Variants in RASGEF1C observed in about 807,000 individuals in gnomAD.
The protein encoded by RASGEF1C is ras-GEF domain-containing family member 1C.
RASGEF1C carries 27 observed loss-of-function variants against 58.1 expected under a neutral mutation model. The observed-to-expected ratio is 0.46, with a 90% CI of 0.34 to 0.64. The LOEUF (loss-of-function observed/expected upper bound fraction) is 0.64, where lower values mean the gene tolerates loss of function less well. Among genes scored for constraint, RASGEF1C ranks in the 30% least tolerant of loss-of-function variants. RASGEF1C has a pLI of 0.01. For synonymous variants in RASGEF1C, 243 were observed against 246.3 expected, an observed-to-expected ratio of 0.99 and a Z score of 0.13; for missense variants, 502 against 605.1, an observed-to-expected ratio of 0.83 and a Z score of 1.79.
chr5:180,153,508 G>T (rs1766798448), intron 1 of RASGEF1C, among the ~76,000 whole-genome samples: 1 of 152,172 alleles, frequency 6.6e-6, no homozygotes, highest in African/African-American at 2.4e-5. Flanking sequence ...GACAGATTCT[G>T]CCAGTTCATT....
intron 1 of RASGEF1C, among the ~76,000 whole-genome samples, chr5:180,169,849 TC>T (rs1767077962): frequency 8.4e-6 from 1 of 118,528 alleles, no homozygotes; most frequent in Non-Finnish European, 1.7e-5. Flanking sequence ...CCCCTCGCCC[TC>T]CCCCTGTGCA....
chr5:180,103,196 C>A (rs371762963), intron 12 of RASGEF1C, among the ~76,000 whole-genome samples: 67 of 152,118 alleles, frequency 4.4e-4, no homozygotes, highest in African/African-American at 1.6e-3. Flanking sequence ...TCCTGCCTCA[C>A]CCTCCCGAGT....
chr5:180,198,324 C>A lies in RASGEF1C; in HGVS notation c.-7+10704G>T, dbSNP rs1756316669. Reference sequence around the variant, plus strand: ...GAAGAAAGTGAAGGCATACTGGACGCCTGCCTTGGCCAGCTCTGGCGTTGA... The same window carrying A: ...GAAGAAAGTGAAGGCATACTGGACGACTGCCTTGGCCAGCTCTGGCGTTGA... On this transcript the variant is annotated intron_variant, in intron 1 of 13. Transcript: ENST00000361132. The surrounding 1 kb of genome is among the most constrained non-coding windows in gnomAD (Gnocchi z 4.5). 6.6e-6 allele frequency among the ~76,000 whole-genome samples: 1 copy of A among 152,236 alleles called. No homozygotes were observed. Among genetic ancestry groups the A allele is most frequent in the African/African-American group, 2.4e-5 (1 of 41,456 alleles).
intron 6 of RASGEF1C, 21 bp downstream of exon 6, chr5:180,127,588 C>T: frequency 6.3e-7 from 1 of 1,595,974 alleles, no homozygotes; most frequent in Non-Finnish European, 8.5e-7. Context: ...ACTTTTGGGA[C>T]AGCCCGTAAG....
At chr5:180,207,761 G>GC (rs1244031330) in intron 1 of RASGEF1C, among the ~76,000 whole-genome samples, 13 of 152,064 alleles carry the variant, frequency 8.5e-5, no homozygotes, top group Admixed American at 7.9e-4. Context: ...CTCCAGCTCC[G>GC]CCCCCTCCTG....
At chr5:180,113,873 G>A (rs1464823181) in intron 11 of RASGEF1C, among the ~76,000 whole-genome samples, 1 of 152,084 alleles carries the variant, frequency 6.6e-6, no homozygotes, top group African/African-American at 2.4e-5. Context: ...TAGATGGAGG[G>A]ATCGAGGATG....
intron 1 of RASGEF1C, among the ~76,000 whole-genome samples, chr5:180,207,400 G>A (rs1400362757): frequency 3.3e-5 from 5 of 152,206 alleles, no homozygotes. Context: ...CACTAAGCCC[G>A]GGTCCCACGC....
At chr5:180,200,006 A>G (rs1179668948) in intron 1 of RASGEF1C, among the ~76,000 whole-genome samples, 1 of 152,174 alleles carries the variant, frequency 6.6e-6, no homozygotes, top group African/African-American at 2.4e-5. Context: ...TCACGCCTGT[A>G]ATCTCAGCAC....
intron 1 of RASGEF1C, among the ~76,000 whole-genome samples, chr5:180,167,329 C>T (rs7715180): frequency 0.39 from 58,442 of 151,720 alleles, 13,432 homozygotes; most frequent in Non-Finnish European, 0.52. Context: ...TGATCCTTTC[C>T]CCTGTCATCT....
chr5:180,182,668 C>T (rs1459961948), intron 1 of RASGEF1C, among the ~76,000 whole-genome samples: 1 of 152,194 alleles, frequency 6.6e-6, no homozygotes, highest in Non-Finnish European at 1.5e-5. Context: ...TTACAGAGTG[C>T]TGATTGGTGC....
At chr5:180,142,947 C>T (rs1766604667) in intron 1 of RASGEF1C, among the ~76,000 whole-genome samples, 1 of 152,124 alleles carries the variant, frequency 6.6e-6, no homozygotes, top group Non-Finnish European at 1.5e-5. Flanking sequence ...AAATGCCTGG[C>T]TCTGGCACAC....
chr5:180,166,365 C>A (rs895593133), intron 1 of RASGEF1C, among the ~76,000 whole-genome samples: 3 of 152,118 alleles, frequency 2.0e-5, no homozygotes, highest in Non-Finnish European at 4.4e-5. Flanking sequence ...TCCTTCATTC[C>A]CCATGTATGT....
chr5:180,128,302 C>T (rs1053370832), intron 5 of RASGEF1C, 108 bp downstream of exon 5: 1 of 1,044,804 alleles, frequency 9.6e-7, no homozygotes, highest in Admixed American at 1.7e-5. Flanking sequence ...TAGGCCAGGG[C>T]CTCCTTCACA....
At chr5:180,111,700 AG>A in intron 11 of RASGEF1C, 120 bp from the exon 12 acceptor site, 1 of 1,086,796 alleles carries the variant, frequency 9.2e-7, no homozygotes, top group East Asian at 2.4e-5. Flanking sequence ...GGCTCTGAGG[AG>A]GAGCAGGGGG....
chr5:180,139,108 G>C, intron 1 of RASGEF1C, among the ~76,000 whole-genome samples: 1 of 152,162 alleles, frequency 6.6e-6, no homozygotes, highest in East Asian at 1.9e-4. Context: ...CTGTGACCCT[G>C]CTCTGAGTGA....
chr5:180,148,909 T>C (rs1766699984), intron 1 of RASGEF1C, among the ~76,000 whole-genome samples: 1 of 152,198 alleles, frequency 6.6e-6, no homozygotes, highest in African/African-American at 2.4e-5. Flanking sequence ...GGTAGTGACT[T>C]TCTTCGATTC....
chr5:180,202,914 G>A (rs951783283), intron 1 of RASGEF1C, among the ~76,000 whole-genome samples: 7 of 152,030 alleles, frequency 4.6e-5, no homozygotes, highest in Non-Finnish European at 4.4e-5. Context: ...GTGTTAGCCA[G>A]GATGGTCTCG....
intron 1 of RASGEF1C, among the ~76,000 whole-genome samples, chr5:180,173,640 C>T (rs1222805796): frequency 1.3e-5 from 2 of 152,134 alleles, no homozygotes; most frequent in African/African-American, 2.4e-5. Context: ...GTTGGCCGGG[C>T]ACGGTGGCTC....
chr5:180,110,749 A>T (rs1765946683), intron 12 of RASGEF1C, among the ~76,000 whole-genome samples: 1 of 152,168 alleles, frequency 6.6e-6, no homozygotes, highest in East Asian at 1.9e-4. Context: ...TTACACCTGC[A>T]CACACGTACA....
Sources: allele counts gnomAD v4.1 joint callset (sites outside exome capture counted in the v4.1 genomes callset), GRCh38; gene constraint gnomAD v4.1.1; non-coding constraint Gnocchi (gnomAD v3.1); transcripts MANE v1.5; gene names NCBI Gene and HGNC (gene_info 2026-07-23, HGNC 2026-07-21).